The following NQO2 variants were observed in gnomAD, a reference collection of about 807,000 sequenced individuals.
The protein encoded by NQO2 is ribosyldihydronicotinamide dehydrogenase [quinone].
Under a neutral mutation model 22.0 loss-of-function variants are expected in NQO2, and 18 were observed. The ratio of observed to expected loss-of-function variants is 0.82; its 90% CI spans 0.56 to 1.21. NQO2 has a LOEUF of 1.21. NQO2 is among the 50% of genes most tolerant of loss of function. The pLI is 0.00. For synonymous variants in NQO2, 106 were observed against 110.8 expected (o/e 0.96, Z 0.28); for missense variants, 267 against 286.9 (o/e 0.93, Z 0.50).
In NQO2 at chr6:3,013,116, C is replaced by T. The variant is rs577496996; in HGVS notation, c.303+442C>T. On this transcript the variant is annotated intron_variant, in intron 4 of 6. Coordinates refer to ENST00000380455, the MANE Select transcript of NQO2 (RefSeq NM_000904.6). ...GACTACAGGCGCCCGCCACCACGCC[C>T]GGCTAGTTTTTTGTATTTTTAGTAG... 1.9e-3 allele frequency among the ~76,000 whole-genome samples: 288 copies of T among 151,826 alleles called. 1 individual carries two copies. Among genetic ancestry groups the T allele is most frequent in the Non-Finnish European group, 3.6e-3 (246 of 67,902 alleles).
chr6:3,015,158 C>A (rs891715667), intron 4 of NQO2: 20 of 1,305,256 alleles, frequency 1.5e-5, no homozygotes, highest in South Asian at 6.2e-5. Context: ...TAACAACACA[C>A]CCCAGGCAGG....
At position 3,012,460 on chromosome 6, in the gene NQO2, G is replaced by T. The variant is rs185748664; in HGVS notation, c.173-84G>T. On this transcript the variant is annotated intron_variant, in intron 3 of 6. Coordinates refer to ENST00000380455, the MANE Select transcript of NQO2 (RefSeq NM_000904.6). ...TGTCTTTGACTTGTCTGAGGAGTCCGGTATACACAGTGCTACTGGGATGGT... is the reference window on the plus strand; with the variant it reads ...TGTCTTTGACTTGTCTGAGGAGTCCTGTATACACAGTGCTACTGGGATGGT... The T allele has an allele frequency of 5.7e-6, 9 of 1,579,870 alleles. No individual in the cohort carries two copies. The African/African-American group carries it at 8.2e-5, about 14-fold the overall frequency.
intron 1 of NQO2, among the ~76,000 whole-genome samples, chr6:3,001,693 GA>G (rs1167523815): frequency 6.6e-6 from 1 of 151,886 alleles, no homozygotes; most frequent in Non-Finnish European, 1.5e-5. Flanking sequence ...AGAGGCACAG[GA>G]AAAAAAGTGA....
intron 4 of NQO2, among the ~76,000 whole-genome samples, 193 bp downstream of exon 4, chr6:3,012,867 A>G (rs1418716661): frequency 6.7e-6 from 1 of 150,220 alleles, no homozygotes; most frequent in East Asian, 1.9e-4. Flanking sequence ...CACTTCACCT[A>G]GTTACAACAC....
rs942931571 is a variant in NQO2, at chr6:3,000,072, G to A, written c.-99G>A. On this transcript the variant is annotated 5_prime_UTR_variant, in exon 1 of 7. Coordinates refer to ENST00000380455, the MANE Select transcript of NQO2 (RefSeq NM_000904.6). ...AGTCCTGCGGCTCCTACTGGGGAGTGCGCTGGTCGGAAGGTGAGTGATCCC... is the reference window on the plus strand; with the variant it reads ...AGTCCTGCGGCTCCTACTGGGGAGTACGCTGGTCGGAAGGTGAGTGATCCC... The A allele has an allele frequency of 6.6e-6, 1 of 152,540 alleles. No individual in the cohort carries two copies. The highest frequency in any genetic ancestry group is 6.5e-5 in the Admixed American group (1 of 15,294). The allele number at this position is 152,540 out of a possible 1,614,324, so 9.4% of individuals were successfully genotyped here.
At chr6:3,018,332 C>A (rs919742838) in intron 6 of NQO2, among the ~76,000 whole-genome samples, 1 of 152,146 alleles carries the variant, frequency 6.6e-6, no homozygotes, top group East Asian at 1.9e-4. Flanking sequence ...ATGGCGAAAC[C>A]CCATCTCTAC....
At chr6:3,012,068 A>G (rs1757152470) in intron 3 of NQO2, among the ~76,000 whole-genome samples, 1 of 152,274 alleles carries the variant, frequency 6.6e-6, no homozygotes, top group South Asian at 2.1e-4. Context: ...TATTAAGTCT[A>G]ACAGACAAAT....
At chr6:3,005,207 T>G (rs1221671832) in intron 1 of NQO2, among the ~76,000 whole-genome samples, 3 of 152,202 alleles carry the variant, frequency 2.0e-5, no homozygotes, top group African/African-American at 7.2e-5. Context: ...GCTTTGAACA[T>G]GGGTGGGCAA....
At chr6:3,003,788 A>C in intron 1 of NQO2, 1 of 956,096 alleles carries the variant, frequency 1.0e-6, no homozygotes, top group South Asian at 4.8e-5. Flanking sequence ...AAACACAGCA[A>C]GGTACTTGGA....
chr6:3,017,100 G>T, intron 6 of NQO2, 115 bp downstream of exon 6: 1 of 1,222,760 alleles, frequency 8.2e-7, no homozygotes, highest in Non-Finnish European at 1.1e-6. Context: ...AGCTCCCCGA[G>T]GGGTGAGATG....
intron 6 of NQO2, among the ~76,000 whole-genome samples, 154 bp downstream of exon 6, chr6:3,017,139 C>CTGTGGGG (rs1757358658): frequency 1.3e-5 from 2 of 152,190 alleles, no homozygotes; most frequent in Non-Finnish European, 2.9e-5. Context: ...ATGCCCCACA[C>CTGTGGGG]CATTTTGACT....
chr6:3,013,207 G>A (rs999772878), intron 4 of NQO2, among the ~76,000 whole-genome samples: 12 of 151,156 alleles, frequency 7.9e-5, no homozygotes, highest in Admixed American at 2.6e-4. Flanking sequence ...CACCCGCCTC[G>A]GCCTCCCAAA....
chr6:3,017,992 T>A (rs56093841), intron 6 of NQO2, among the ~76,000 whole-genome samples: 8,847 of 152,276 alleles, frequency 0.058, 422 homozygotes, highest in African/African-American at 0.13. Context: ...CAAAACACAA[T>A]GATTTTTCCT....
Position 3,017,068 on chromosome 6 carries a change from A to G in NQO2, c.519+83A>G, listed in dbSNP as rs28383638. 4,655 of 1,449,910 alleles carry G rather than the reference A, an allele frequency of 3.2e-3. 118 individuals are homozygous for G. In the African/African-American group the frequency reaches 0.063, roughly 20 times the overall value. 89.8% of individuals were successfully genotyped at this position (1,449,910 alleles called of 1,614,324 possible). On this transcript the variant is annotated intron_variant, in intron 6 of 6. Transcript: ENST00000380455. ...CATGCACACATGCATACACACACAC[A>G]CGCACACACATACATGCCCTCAGCT... is the stretch of plus-strand genomic sequence containing the variant.
Position 3,004,664 on chromosome 6 carries a change from A to G in NQO2, c.-85-1804A>G, listed in dbSNP as rs114839660. The G allele has an allele frequency of 1.6e-4, 154 of 985,152 alleles. No homozygotes were observed. In the Admixed American group the frequency reaches 1.8e-3, roughly 12 times the overall value. The allele number at this position is 985,152 out of a possible 1,614,324, so 61.0% of individuals were successfully genotyped here. Reference sequence around the variant, plus strand: ...GATTCCAGTCCTGGTGGGGATAAGCACCACTTTTGTGTGTCTCTGTGCTTT... The same window carrying G: ...GATTCCAGTCCTGGTGGGGATAAGCGCCACTTTTGTGTGTCTCTGTGCTTT... On this transcript the variant is annotated intron_variant, in intron 1 of 6. Coordinates refer to ENST00000380455, the MANE Select transcript of NQO2 (RefSeq NM_000904.6).
chr6:3,014,303 G>A (rs1416269781), intron 4 of NQO2, among the ~76,000 whole-genome samples: 1 of 152,194 alleles, frequency 6.6e-6, no homozygotes, highest in Non-Finnish European at 1.5e-5. Flanking sequence ...TGACCAAAGT[G>A]CAGGACGTCC....
intron 5 of NQO2, among the ~76,000 whole-genome samples, chr6:3,015,909 G>A (rs1581334293): frequency 6.6e-6 from 1 of 152,156 alleles, no homozygotes; most frequent in Non-Finnish European, 1.5e-5. Context: ...GGTGTCAGGT[G>A]ACGGGGGACC....
At chr6:3,018,394 A>G (rs1406562024) in intron 6 of NQO2, among the ~76,000 whole-genome samples, 1 of 152,216 alleles carries the variant, frequency 6.6e-6, no homozygotes, top group Non-Finnish European at 1.5e-5. Context: ...AGTCCCAGCT[A>G]CTTGGGAGGC....
At position 3,009,852 on chromosome 6, in the gene NQO2, G is replaced by A. The variant is rs968210378; in HGVS notation, c.8-173G>A. 5.9e-6 allele frequency: 5 copies of A among 851,936 alleles called. No homozygotes were observed. The African/African-American group carries it at 9.2e-5, about 16-fold the overall frequency. 52.8% of individuals were successfully genotyped at this position (851,936 alleles called of 1,614,324 possible). A position where few individuals can be genotyped will look rare whatever the true frequency, so the allele number is the denominator to read the frequency against. ...ACTGCATTCCAGCCTGGGTGACAGA[G>A]TGAGACTGTCTAAAAAGAAGAGAGA... is the stretch of plus-strand genomic sequence containing the variant. On this transcript the variant is annotated intron_variant, in intron 2 of 6. Coordinates refer to ENST00000380455, the MANE Select transcript of NQO2 (RefSeq NM_000904.6).
Sources: allele counts gnomAD v4.1 joint callset (sites outside exome capture counted in the v4.1 genomes callset), GRCh38; gene constraint gnomAD v4.1.1; transcripts MANE v1.5; gene names NCBI Gene and HGNC (gene_info 2026-07-23, HGNC 2026-07-21).